The following ATP8B1 variants were observed in gnomAD, a reference collection of about 807,000 sequenced individuals.
ATP8B1 encodes the protein ATPase phospholipid transporting 8B1.
ATP8B1 carries 80 observed loss-of-function variants against 149.9 expected under a neutral mutation model. The observed-to-expected ratio is 0.53, with a 90% confidence interval of 0.45 to 0.64. The LOEUF is 0.64. ATP8B1 is among the 30% of genes least tolerant of loss of function. The pLI is 0.00. For synonymous variants in ATP8B1, 536 were observed against 562.8 expected (o/e 0.95, Z 0.67); for missense variants, 1,247 against 1,552.6 (o/e 0.80, Z 3.31).
intron 1 of ATP8B1, among the ~76,000 whole-genome samples, chr18:57,742,264 A>G (rs2079921992): frequency 1.3e-5 from 2 of 152,184 alleles, no homozygotes; most frequent in South Asian, 4.1e-4. Context: ...AATGTATCTA[A>G]GATCTGCATT....
chr18:57,704,173 A>C (rs1913270947), intron 4 of ATP8B1, among the ~76,000 whole-genome samples: 1 of 152,100 alleles, frequency 6.6e-6, no homozygotes. Context: ...TAACCATGTT[A>C]GCCAGGGTGG....
intron 1 of ATP8B1, among the ~76,000 whole-genome samples, chr18:57,794,326 T>C (rs912326337): frequency 5.3e-5 from 8 of 152,044 alleles, no homozygotes; most frequent in African/African-American, 1.7e-4. Context: ...CATAAAGGCA[T>C]CTGATTTTTA....
intron 2 of ATP8B1, among the ~76,000 whole-genome samples, chr18:57,721,443 A>C (rs2123073443): frequency 6.8e-6 from 1 of 148,120 alleles, no homozygotes; most frequent in Non-Finnish European, 1.5e-5. Flanking sequence ...CAGGGGTTGC[A>C]ATCCTAGTCT....
chr18:57,699,304 C>A lies in ATP8B1; in HGVS notation c.555-1437G>T, dbSNP rs529611622. On this transcript the variant is annotated intron_variant, in intron 6 of 27. Transcript: ENST00000648908. ...AAAATTATGTTCCAAAGTTACCTTT[C>A]AAGTGTCAAAAGACAAAATCACAAC... Among the ~76,000 whole-genome samples the A allele has an allele frequency of 2.0e-5, 3 of 152,278 alleles. No individual in the cohort carries two copies. The South Asian group carries it at 6.2e-4, about 32-fold the overall frequency.
chr18:57,735,975 C>A (rs1047260341), intron 1 of ATP8B1, among the ~76,000 whole-genome samples: 1 of 146,732 alleles, frequency 6.8e-6, no homozygotes, highest in Non-Finnish European at 1.5e-5. Flanking sequence ...TTGCCCCCCC[C>A]ACCCCCACCC....
chr18:57,782,261 A>G (rs1568069354), intron 1 of ATP8B1, among the ~76,000 whole-genome samples: 2 of 152,244 alleles, frequency 1.3e-5, no homozygotes, highest in African/African-American at 4.8e-5. Flanking sequence ...AACTACACAG[A>G]TATGAGCTAT....
rs183306488 is a variant in ATP8B1 at position 57,731,370 on chromosome 18, T to C, written c.181+257A>G. The C allele has an allele frequency of 0.26, 46,718 of 182,654 alleles. 15,493 individuals carry two copies. The highest frequency in any genetic ancestry group is 0.38 in the South Asian group (8,283 of 21,870). The allele number at this position is 182,654 out of a possible 1,614,324, so 11.3% of individuals were successfully genotyped here. On this transcript the variant is annotated intron_variant, in intron 2 of 27. Coordinates refer to ENST00000648908, the MANE Select transcript of ATP8B1 (RefSeq NM_001374385.1). Reference sequence around the variant, plus strand: ...ATATATATATATATATATATATATATATATACACACACTAACAAAGACCTT... The same window carrying C: ...ATATATATATATATATATATATATACATATACACACACTAACAAAGACCTT...
chr18:57,654,109 A>G (rs2122578919), intron 23 of ATP8B1, 34 bp from the exon 24 acceptor site: 1 of 1,542,136 alleles, frequency 6.5e-7, no homozygotes, highest in Non-Finnish European at 9.0e-7. Context: ...CATGTCACCA[A>G]CAAAGACACA....
chr18:57,721,660 A>G (rs2079647510), intron 2 of ATP8B1, among the ~76,000 whole-genome samples: 2 of 142,622 alleles, frequency 1.4e-5, no homozygotes, highest in Admixed American at 7.1e-5. Context: ...AGACTTTAAC[A>G]CCCCACTGTC....
chr18:57,692,123 A>G, intron 11 of ATP8B1, 126 bp from the exon 12 acceptor site: 1 of 1,425,200 alleles, frequency 7.0e-7, no homozygotes, highest in Non-Finnish European at 9.4e-7. Flanking sequence ...GAAAAATAAT[A>G]TATGTCAAAT....
At chr18:57,746,266 AT>A (rs901120157) in intron 1 of ATP8B1, among the ~76,000 whole-genome samples, 10 of 152,008 alleles carry the variant, frequency 6.6e-5, no homozygotes, top group African/African-American at 1.9e-4. Context: ...ATTTCATGCA[AT>A]TTTTACAGCA....
chr18:57,713,554 G>A (rs1179943111), intron 2 of ATP8B1, among the ~76,000 whole-genome samples: 13 of 147,168 alleles, frequency 8.8e-5, no homozygotes, highest in African/African-American at 2.0e-4. Flanking sequence ...GCAGTGGTGC[G>A]ATCTCAGCTC....
chr18:57,672,924 ATATAT>A (rs1568189366), intron 16 of ATP8B1, among the ~76,000 whole-genome samples: 20 of 48,410 alleles, frequency 4.1e-4, no homozygotes, highest in African/African-American at 1.3e-3. Flanking sequence ...ATATATATAT[ATATAT>A]ATAACATGTA....
At chr18:57,662,404 A>G in intron 21 of ATP8B1, 79 bp downstream of exon 21, 1 of 1,565,680 alleles carries the variant, frequency 6.4e-7, no homozygotes, top group South Asian at 1.1e-5. Context: ...GGCAGTTAAC[A>G]TGTGAAAGCA....
At chr18:57,748,014 G>A (rs529288141) in intron 1 of ATP8B1, among the ~76,000 whole-genome samples, 2 of 152,168 alleles carry the variant, frequency 1.3e-5, no homozygotes, top group Non-Finnish European at 2.9e-5. Flanking sequence ...AATTCTATCT[G>A]TTCTGGCTTT....
chr18:57,684,253 A>G (rs2122820504), intron 14 of ATP8B1, 61 bp from the exon 15 acceptor site: 1 of 1,529,444 alleles, frequency 6.5e-7, no homozygotes. Flanking sequence ...TTAACAAATG[A>G]CATGAACTTT....
At chr18:57,688,953 C>T in intron 12 of ATP8B1, among the ~76,000 whole-genome samples, 1 of 152,178 alleles carries the variant, frequency 6.6e-6, no homozygotes, top group East Asian at 1.9e-4. Flanking sequence ...AAACTAAGCC[C>T]TCTACAAGGA....
At chr18:57,766,661 C>T (rs922586355) in intron 1 of ATP8B1, among the ~76,000 whole-genome samples, 2 of 152,188 alleles carry the variant, frequency 1.3e-5, no homozygotes, top group African/African-American at 4.8e-5. Flanking sequence ...GGGCTGGGGT[C>T]CAAGACTCTT....
chr18:57,710,314 A>G (rs898573637), intron 2 of ATP8B1, among the ~76,000 whole-genome samples: 3 of 152,240 alleles, frequency 2.0e-5, no homozygotes, highest in Admixed American at 6.5e-5. Flanking sequence ...GCCATGTGAC[A>G]TGTGGCTTAA....
Sources: gnomAD v4.1 joint callset for allele counts (sites outside exome capture counted in the v4.1 genomes callset) on GRCh38, gnomAD v4.1.1 for gene constraint, MANE v1.5 for transcripts, NCBI Gene and HGNC (gene_info 2026-07-23, HGNC 2026-07-21) for gene names.